The following PTPRD variants were observed in gnomAD, a reference collection of about 807,000 sequenced individuals.
PTPRD encodes the protein protein tyrosine phosphatase receptor type D, also known as receptor-type tyrosine-protein phosphatase delta.
PTPRD carries 34 observed loss-of-function variants against 214.5 expected under a neutral mutation model. That is an observed-to-expected ratio of 0.16 (90% CI 0.12 to 0.21). The LOEUF is 0.21. Ranked by LOEUF, PTPRD falls within the 10% of genes least tolerant of loss-of-function variation. The probability of loss-of-function intolerance (pLI) is 1.00; values close to 1 mark genes in which losing one functional copy is unlikely to be tolerated. For missense variants in PTPRD, 2,545 were observed against 2,398.7 expected (o/e 1.06, Z -1.27); for synonymous variants, 1,128 against 845.7 (o/e 1.33, Z -5.79).
chr9:9,545,443 C>T (rs2078562505), intron 8 of PTPRD, among the ~76,000 whole-genome samples: 2 of 151,788 alleles, frequency 1.3e-5, no homozygotes, highest in African/African-American at 4.8e-5. Context: ...TAGTAATATG[C>T]ATTTAAGATT....
At chr9:9,651,900 T>A (rs2096368425) in intron 7 of PTPRD, among the ~76,000 whole-genome samples, 2 of 144,070 alleles carry the variant, frequency 1.4e-5, no homozygotes, top group South Asian at 2.3e-4. Context: ...AGTGGAGCGA[T>A]CTTGGCTCAC....
At chr9:9,407,620 C>A (rs1450613176) in intron 8 of PTPRD, among the ~76,000 whole-genome samples, 2 of 151,642 alleles carry the variant, frequency 1.3e-5, no homozygotes, top group Admixed American at 1.3e-4. Flanking sequence ...AGTCAAAAAG[C>A]CAAATTTCAC....
At chr9:9,358,205 A>T (rs1364056181) in intron 9 of PTPRD, among the ~76,000 whole-genome samples, 1 of 151,342 alleles carries the variant, frequency 6.6e-6, no homozygotes, top group South Asian at 2.1e-4. Flanking sequence ...AAAACATATT[A>T]TATAGGCAAT....
At chr9:9,306,788 T>A (rs1053027613) in intron 9 of PTPRD, among the ~76,000 whole-genome samples, 5 of 152,124 alleles carry the variant, frequency 3.3e-5, no homozygotes, top group Admixed American at 3.3e-4. Flanking sequence ...TTTGTTAGCA[T>A]TGAGAGTAAA....
intron 5 of PTPRD, among the ~76,000 whole-genome samples, chr9:9,899,357 G>A (rs2075826795): frequency 6.6e-6 from 1 of 151,964 alleles, no homozygotes; most frequent in South Asian, 2.1e-4. Flanking sequence ...CAACTCAATA[G>A]CAAAATAATA....
rs1197999626 is a variant in PTPRD, at chr9:9,096,579, CT to C, written c.-142-77845del. Among the ~76,000 whole-genome samples, 4 of 151,830 alleles carry C rather than the reference CT, an allele frequency of 2.6e-5. 1 individual carries two copies. The highest frequency in any genetic ancestry group is 1.9e-4 in the East Asian group (1 of 5,178). ...TTCCAGGTGAAGATATAGATGATTT[CT>C]TTTTTTTAAAAATATTTTGTCATAA... On this transcript the variant is annotated intron_variant, in intron 10 of 45. Coordinates refer to ENST00000381196, the MANE Select transcript of PTPRD (RefSeq NM_002839.4).
intron 2 of PTPRD, among the ~76,000 whole-genome samples, chr9:10,543,871 A>G (rs139735176): frequency 4.6e-5 from 7 of 152,334 alleles, no homozygotes; most frequent in African/African-American, 1.7e-4. Context: ...TCTCAGAGGT[A>G]TATCCAAGTG....
intron 2 of PTPRD, among the ~76,000 whole-genome samples, chr9:10,442,741 G>A (rs1323930112): frequency 1.3e-5 from 2 of 151,444 alleles, no homozygotes; most frequent in Non-Finnish European, 3.0e-5. Flanking sequence ...ACTTCTGCTT[G>A]TAAAACCATT....
chr9:8,750,227 A>G (rs2093375924), intron 11 of PTPRD, among the ~76,000 whole-genome samples: 1 of 151,822 alleles, frequency 6.6e-6, no homozygotes, highest in East Asian at 2.0e-4. Flanking sequence ...GCAGGATCTC[A>G]GCTCACTGCA....
At chr9:10,257,609 A>G (rs16925616) in intron 3 of PTPRD, among the ~76,000 whole-genome samples, 10,205 of 152,276 alleles carry the variant, frequency 0.067, 555 homozygotes, top group East Asian at 0.27. Flanking sequence ...GGTGCCATAT[A>G]CATTTCATCC....
intron 3 of PTPRD, among the ~76,000 whole-genome samples, chr9:10,145,030 AAC>A (rs1298909171): frequency 2.0e-5 from 3 of 152,112 alleles, no homozygotes; most frequent in Non-Finnish European, 4.4e-5. Context: ...TATGAAAATA[AAC>A]ACACCGATTT....
chr9:8,900,617 A>G (rs1175700161), intron 11 of PTPRD, among the ~76,000 whole-genome samples: 1 of 152,170 alleles, frequency 6.6e-6, no homozygotes, highest in Non-Finnish European at 1.5e-5. Context: ...TGATATATTT[A>G]AGTAGGTTGG....
intron 3 of PTPRD, among the ~76,000 whole-genome samples, chr9:10,333,721 G>A (rs549768973): frequency 6.6e-6 from 1 of 151,792 alleles, no homozygotes; most frequent in Non-Finnish European, 1.5e-5. Context: ...TTCTTGCAAA[G>A]ATATTACTAA....
At chr9:9,853,552 T>C (rs78993116) in intron 5 of PTPRD, among the ~76,000 whole-genome samples, 5,788 of 151,972 alleles carry the variant, frequency 0.038, 349 homozygotes, top group African/African-American at 0.13. Context: ...TTTTTTGTTG[T>C]TTTTTGGTTT....
chr9:9,691,861 T>G (rs1037531391), intron 7 of PTPRD, among the ~76,000 whole-genome samples: 1 of 152,138 alleles, frequency 6.6e-6, no homozygotes, highest in Admixed American at 6.6e-5. Context: ...TGATTTGCAT[T>G]TCTCTGATGA....
chr9:9,784,169 C>G (rs968757585), intron 5 of PTPRD, among the ~76,000 whole-genome samples: 2 of 151,976 alleles, frequency 1.3e-5, no homozygotes, highest in Non-Finnish European at 2.9e-5. Context: ...TTAAATTATT[C>G]TTTGACATAT....
chr9:10,023,746 G>A (rs1457518288), intron 4 of PTPRD, among the ~76,000 whole-genome samples: 2 of 149,582 alleles, frequency 1.3e-5, no homozygotes, highest in African/African-American at 2.5e-5. Flanking sequence ...AAATGCTACA[G>A]AAGTGTTAAG....
rs370179359 is a variant in PTPRD at position 8,486,028 on chromosome 9, G to C, written c.2789C>G (p.Thr930Ser). 35 of 1,614,038 alleles carry C rather than the reference G, an allele frequency of 2.2e-5. No homozygotes were observed. The highest frequency in any genetic ancestry group is 2.6e-5 in the Non-Finnish European group (31 of 1,180,022). The change falls in exon 28 of 46, where the codon ACC becomes AGC. Residue 930 changes from threonine to serine, a missense_variant. Thr to Ser is a moderately conservative substitution (Grantham distance 58). Coordinates refer to ENST00000381196, the MANE Select transcript of PTPRD (RefSeq NM_002839.4). Reference sequence around the variant, plus strand: ...AGATAACTGGACGGAGGTTGAAGTGGTGCCTTCTGAGTGAAGGTTTTGAGG... The same window carrying C: ...AGATAACTGGACGGAGGTTGAAGTGCTGCCTTCTGAGTGAAGGTTTTGAGG... ...GFPQNLHSEG[T>S]TSTSVQLSWQ...
intron 5 of PTPRD, among the ~76,000 whole-genome samples, chr9:9,919,790 T>G (rs78809942): frequency 0.028 from 4,193 of 152,234 alleles, 99 homozygotes; most frequent in East Asian, 0.073. Context: ...TGAGTGAGCC[T>G]CAGTCTTCGT....
Sources: gnomAD v4.1 joint callset for allele counts (sites outside exome capture counted in the v4.1 genomes callset) on GRCh38, gnomAD v4.1.1 for gene constraint, MANE v1.5 for transcripts, NCBI Gene and HGNC (gene_info 2026-07-23, HGNC 2026-07-21) for gene names.